Variants in SGIP1 observed in about 807,000 individuals in gnomAD.
The protein encoded by SGIP1 is SH3GL interacting endocytic adaptor 1.
Under a neutral mutation model 107.5 loss-of-function variants are expected in SGIP1, and 38 were observed. That is an observed-to-expected ratio of 0.35 (90% CI 0.27 to 0.46). The LOEUF (loss-of-function observed/expected upper bound fraction) is 0.46, where lower values mean the gene tolerates loss of function less well. Among genes scored for constraint, SGIP1 ranks in the 20% least tolerant of loss-of-function variants. The pLI is 1.00. For synonymous variants in SGIP1, 365 were observed against 366.1 expected (o/e 1.00, Z 0.03); for missense variants, 929 against 1,019.5 (o/e 0.91, Z 1.21).
At chr1:66,558,933 A>T (rs1484899415) in intron 1 of SGIP1, among the ~76,000 whole-genome samples, 1 of 151,996 alleles carries the variant, frequency 6.6e-6, no homozygotes, top group African/African-American at 2.4e-5. Context: ...AAAGAGAAAA[A>T]TTTTAAGAGG....
chr1:66,631,939 G>A (rs541883907), intron 2 of SGIP1, among the ~76,000 whole-genome samples: 14 of 152,234 alleles, frequency 9.2e-5, no homozygotes, highest in Admixed American at 5.2e-4. Context: ...AAAATGGGAG[G>A]TTATAAAATT....
chr1:66,633,179 G>A, intron 3 of SGIP1, 85 bp downstream of exon 3: 4 of 902,962 alleles, frequency 4.4e-6, no homozygotes, highest in Admixed American at 2.2e-5. Context: ...TTTTTTTCCT[G>A]TAGGGAAAAA....
intron 18 of SGIP1, among the ~76,000 whole-genome samples, chr1:66,712,577 C>CT (rs1484789378): frequency 2.0e-5 from 3 of 151,974 alleles, no homozygotes; most frequent in South Asian, 2.1e-4. Context: ...TCTCTTTCCT[C>CT]TTTTTTTTCT....
intron 3 of SGIP1, chr1:66,634,193 C>A (rs915528094): frequency 2.5e-6 from 4 of 1,585,228 alleles, no homozygotes; most frequent in East Asian, 2.3e-5. Flanking sequence ...CTCTTCTTTG[C>A]TTCCGGCTTG....
Position 66,745,455 on chromosome 1 carries a change from A to T in SGIP1, c.*2360A>T, listed in dbSNP as rs113538735. The T allele has an allele frequency of 5.3e-5, 8 of 152,152 alleles. No individual in the cohort carries two copies. The highest frequency in any genetic ancestry group is 3.4e-3 in the Middle Eastern group (1 of 294). 9.4% of individuals were successfully genotyped at this position (152,152 alleles called of 1,614,324 possible). On this transcript the variant is annotated 3_prime_UTR_variant, in exon 25 of 25. Transcript: ENST00000371037. ...TGGTATCAGGGATTTGCATTTTGAC[A>T]TTTTGTTGTTTCTTTTTAATTTTGT...
At chr1:66,733,256 T>C (rs1339360523) in intron 20 of SGIP1, among the ~76,000 whole-genome samples, 1 of 152,210 alleles carries the variant, frequency 6.6e-6, no homozygotes, top group Non-Finnish European at 1.5e-5. Context: ...GTAATTTTAG[T>C]ATCACTCTTT....
rs2077146815 is a variant in SGIP1, at chr1:66,643,569, T to C, written c.309T>C (p.Ser103=). 6.2e-7 allele frequency: 1 copy of C among 1,609,276 alleles called. No homozygotes were observed. Among genetic ancestry groups the C allele is most frequent in the Non-Finnish European group, 8.5e-7 (1 of 1,178,178 alleles). ...PGSTKGKHFY[S]SSESEEEEES... The stretch of plus-strand genomic sequence containing the variant: ...CTACCAAAGGAAAGCACTTTTATTC[T>C]TCAAGTGAATCGGAAGAAGAAGAAG... Residue 103 remains serine, a synonymous_variant, in exon 7 of 25, where the codon TCT becomes TCC. Transcript: ENST00000371037.
intron 7 of SGIP1, among the ~76,000 whole-genome samples, chr1:66,657,306 A>T (rs185255846): frequency 1.1e-3 from 162 of 152,190 alleles, no homozygotes; most frequent in Admixed American, 6.7e-3. Flanking sequence ...TCTTGATCCC[A>T]CTCTATGATG....
chr1:66,637,721 A>G (rs1245779251), intron 4 of SGIP1, among the ~76,000 whole-genome samples: 1 of 151,570 alleles, frequency 6.6e-6, no homozygotes, highest in Admixed American at 6.6e-5. Context: ...CAGGAAGGAA[A>G]GAAAAACAAG....
At chr1:66,642,910 A>C in intron 6 of SGIP1, 46 bp downstream of exon 6, 1 of 1,464,778 alleles carries the variant, frequency 6.8e-7, no homozygotes, top group South Asian at 1.2e-5. Flanking sequence ...TCACTCTCAG[A>C]AAACAGTAGG....
chr1:66,671,914 T>C (rs774445051), intron 10 of SGIP1, 30 bp from the exon 11 acceptor site: 2 of 1,611,486 alleles, frequency 1.2e-6, no homozygotes, highest in Non-Finnish European at 1.7e-6. Context: ...TAAAAATTTG[T>C]CTAAAAAGTT....
chr1:66,667,620 C>A, intron 9 of SGIP1, 79 bp downstream of exon 9: 1 of 1,346,868 alleles, frequency 7.4e-7, no homozygotes, highest in South Asian at 1.2e-5. Flanking sequence ...GTTGGTTTCC[C>A]ATTAAATTTA....
rs372828398 is a variant in SGIP1, at chr1:66,750,033, G to GT, written c.*6938_*6939insT. ...TCTCTCTCTTTCTCTGTGTGTGTGT[G>GT]GGGGTGTGTGTGTGTGTGTGTGTGT... On this transcript the variant is annotated 3_prime_UTR_variant, in exon 25 of 25. Coordinates refer to ENST00000371037, the MANE Select transcript of SGIP1 (RefSeq NM_032291.4). Among the ~76,000 whole-genome samples, 26,556 of 81,112 alleles carry GT rather than the reference G, an allele frequency of 0.33. 2,566 individuals carry two copies. The highest frequency in any genetic ancestry group is 0.41 in the African/African-American group (9,542 of 23,410). 53.2% of individuals were successfully genotyped at this position (81,112 alleles called of 152,430 possible). A position where few individuals can be genotyped will look rare whatever the true frequency, so the allele number is the denominator to read the frequency against.
chr1:66,562,343 G>C (rs1445094338), intron 1 of SGIP1, among the ~76,000 whole-genome samples: 4 of 151,998 alleles, frequency 2.6e-5, no homozygotes, highest in Admixed American at 6.6e-5. Flanking sequence ...GCTAGATGAG[G>C]GTTTCAGGGA....
rs549234876 is a variant in SGIP1 at position 66,645,876 on chromosome 1, C to T, written c.459+2157C>T. 3.9e-5 allele frequency among the ~76,000 whole-genome samples: 6 copies of T among 152,116 alleles called. No individual in the cohort carries two copies. In the East Asian group the frequency reaches 9.7e-4, roughly 25 times the overall value. ...TTGTTGTTTAGACAGAGTCTTGCTC[C>T]GTTGCTCAGGCTGGAGTGCAATGGT... On this transcript the variant is annotated intron_variant, in intron 7 of 24. Coordinates refer to ENST00000371037, the MANE Select transcript of SGIP1 (RefSeq NM_032291.4).
At chr1:66,643,855 C>A in intron 7 of SGIP1, 136 bp downstream of exon 7, 1 of 712,120 alleles carries the variant, frequency 1.4e-6, no homozygotes, top group Non-Finnish European at 2.1e-6. Context: ...TTCTATAAAT[C>A]TAAGAAGCTC....
chr1:66,685,860 A>G (rs1571817193), intron 15 of SGIP1, among the ~76,000 whole-genome samples: 1 of 152,352 alleles, frequency 6.6e-6, no homozygotes, highest in South Asian at 2.1e-4. Flanking sequence ...ACCATTGCAG[A>G]CAGCTCTATT....
At chr1:66,661,127 G>A (rs770318777) in intron 8 of SGIP1, among the ~76,000 whole-genome samples, 3 of 152,126 alleles carry the variant, frequency 2.0e-5, no homozygotes, top group Non-Finnish European at 2.9e-5. Flanking sequence ...AGTCTGATAC[G>A]ATGTACCTAC....
chr1:66,665,151 T>G (rs925912161), intron 8 of SGIP1, among the ~76,000 whole-genome samples: 3 of 152,174 alleles, frequency 2.0e-5, no homozygotes, highest in Non-Finnish European at 4.4e-5. Flanking sequence ...GGTCCTGATG[T>G]GTGATGTTCC....
Sources: gnomAD v4.1 joint callset for allele counts (sites outside exome capture counted in the v4.1 genomes callset) on GRCh38, gnomAD v4.1.1 for gene constraint, MANE v1.5 for transcripts, NCBI Gene and HGNC (gene_info 2026-07-23, HGNC 2026-07-21) for gene names.